The following ENPP2 variants were observed in gnomAD, a reference collection of about 807,000 sequenced individuals.
ENPP2 encodes the protein ectonucleotide pyrophosphatase/phosphodiesterase 2.
Under a neutral mutation model 120.2 loss-of-function variants are expected in ENPP2, and 51 were observed. That is an observed-to-expected ratio of 0.42 (90% confidence interval 0.34 to 0.54). The LOEUF (loss-of-function observed/expected upper bound fraction) is 0.54, where lower values mean the gene tolerates loss of function less well. Among genes scored for constraint, ENPP2 ranks in the 20% least tolerant of loss-of-function variants. The pLI, the probability that ENPP2 is intolerant of heterozygous loss-of-function variation, is 0.04. For synonymous variants in ENPP2, 365 were observed against 366.4 expected (o/e 1.00, Z 0.04); for missense variants, 920 against 1,066.5 (o/e 0.86, Z 1.91).
chr8:119,617,673 G>A, intron 5 of ENPP2, 110 bp from the exon 6 acceptor site: 2 of 756,360 alleles, frequency 2.6e-6, no homozygotes, highest in South Asian at 3.3e-5. Context: ...ATTTCACCGG[G>A]CGTGATGGCT....
chr8:119,661,083 G>A (rs567427139), intron 1 of ENPP2, among the ~76,000 whole-genome samples: 14 of 152,094 alleles, frequency 9.2e-5, no homozygotes, highest in African/African-American at 2.9e-4. Flanking sequence ...ACCAAACACC[G>A]CATGTTCTCA....
intron 13 of ENPP2, 25 bp downstream of exon 13, chr8:119,590,480 C>T: frequency 6.4e-7 from 1 of 1,572,092 alleles, no homozygotes; most frequent in Non-Finnish European, 8.6e-7. Context: ...ACTCTAACCA[C>T]TTAATATTTT....
At chr8:119,650,707 C>T (rs1010987575) in intron 1 of ENPP2, among the ~76,000 whole-genome samples, 1 of 152,064 alleles carries the variant, frequency 6.6e-6, no homozygotes, top group Non-Finnish European at 1.5e-5. Flanking sequence ...TTAACGAGCC[C>T]CTGTGTGTGT....
chr8:119,563,067 T>C (rs188547479), intron 23 of ENPP2, 54 bp from the exon 24 acceptor site: 36 of 1,513,102 alleles, frequency 2.4e-5, no homozygotes, highest in East Asian at 1.6e-4. Context: ...GTTGAAGCTT[T>C]CTTTTTTAAA....
At chr8:119,659,930 T>A (rs754338279) in intron 1 of ENPP2, among the ~76,000 whole-genome samples, 1 of 152,276 alleles carries the variant, frequency 6.6e-6, no homozygotes, top group Non-Finnish European at 1.5e-5. Flanking sequence ...AATAAGAGGT[T>A]CAGGGTCCAG....
In ENPP2 at chr8:119,591,947, A is replaced by G. The variant is rs112978849; in HGVS notation, c.1082-1317T>C. Among the ~76,000 whole-genome samples, 10 of 152,230 alleles carry G rather than the reference A, an allele frequency of 6.6e-5. 1 individual carries two copies. The highest frequency in any genetic ancestry group is 2.4e-4 in the African/African-American group (10 of 41,546). On this transcript the variant is annotated intron_variant, in intron 12 of 24. Coordinates refer to ENST00000075322, the MANE Select transcript of ENPP2 (RefSeq NM_001040092.3). The stretch of plus-strand genomic sequence containing the variant: ...CTAGGAAGTCCCTTATGCCACCCCA[A>G]ATGTGAGCAATCTCCTTTACTTTTG...
intron 1 of ENPP2, among the ~76,000 whole-genome samples, chr8:119,670,816 G>T (rs1173366842): frequency 6.6e-6 from 1 of 152,174 alleles, no homozygotes; most frequent in Admixed American, 6.5e-5. Flanking sequence ...GTACAAAAAT[G>T]GTACATAAAA....
chr8:119,602,020 A>T (rs1472103474), intron 9 of ENPP2, among the ~76,000 whole-genome samples: 1 of 152,230 alleles, frequency 6.6e-6, no homozygotes, highest in Non-Finnish European at 1.5e-5. Context: ...ATTTTTATTA[A>T]TGATCATAAT....
chr8:119,561,959 G>A (rs547354302), intron 24 of ENPP2, among the ~76,000 whole-genome samples: 434 of 151,732 alleles, frequency 2.9e-3, no homozygotes, highest in Non-Finnish European at 4.3e-3. Context: ...TAACACGGTG[G>A]AACCCTGTCT....
Position 119,563,018 on chromosome 8 carries a change from A to C in ENPP2, c.2265-5T>G. ...ATGGAACTGCCTTCCACGTACCTGA[A>C]ACAGGAAGGTAAAACGAAGTCACAG... On this transcript the variant is annotated splice_region_variant and splice_polypyrimidine_tract_variant and intron_variant, in intron 23 of 24. Transcript: ENST00000075322. The C allele has an allele frequency of 6.2e-7, 1 of 1,611,934 alleles. No homozygotes were observed. Among genetic ancestry groups the C allele is most frequent in the Non-Finnish European group, 8.5e-7 (1 of 1,178,700 alleles).
intron 8 of ENPP2, among the ~76,000 whole-genome samples, chr8:119,610,973 T>G (rs1160163351): frequency 1.3e-5 from 2 of 151,910 alleles, no homozygotes; most frequent in Non-Finnish European, 2.9e-5. Context: ...TTTCTCCCTC[T>G]AATCCCAAAA....
intron 1 of ENPP2, among the ~76,000 whole-genome samples, chr8:119,671,030 T>A (rs1477041064): frequency 6.6e-6 from 1 of 151,220 alleles, no homozygotes; most frequent in Non-Finnish European, 1.5e-5. Context: ...CTCACGCCTG[T>A]AATCCTAGCA....
Position 119,569,481 on chromosome 8 carries a change from C to T in ENPP2, c.1918-111G>A, listed in dbSNP as rs1201133001. 3 of 976,558 alleles carry T rather than the reference C, an allele frequency of 3.1e-6. No individual in the cohort carries two copies. The East Asian group carries it at 8.6e-5, about 28-fold the overall frequency. The allele number at this position is 976,558 out of a possible 1,614,324, so 60.5% of individuals were successfully genotyped here. A position where few individuals can be genotyped will look rare whatever the true frequency, so the allele number is the denominator to read the frequency against. The stretch of plus-strand genomic sequence containing the variant: ...TGTATTCTGATTGATAGTCTGACTC[C>T]TTTTTTAAATTTTTTATCTTTGATA... On this transcript the variant is annotated intron_variant, in intron 20 of 24. Coordinates refer to ENST00000075322, the MANE Select transcript of ENPP2 (RefSeq NM_001040092.3).
At chr8:119,662,430 A>G (rs992165701) in intron 1 of ENPP2, among the ~76,000 whole-genome samples, 6 of 152,296 alleles carry the variant, frequency 3.9e-5, no homozygotes, top group Admixed American at 3.3e-4. Flanking sequence ...TCAAAATAGC[A>G]CTACCTGGGA....
intron 1 of ENPP2, among the ~76,000 whole-genome samples, chr8:119,645,127 C>T (rs1817404292): frequency 6.6e-6 from 1 of 152,078 alleles, no homozygotes. Flanking sequence ...AATGGAGGTT[C>T]GAAGAGTATG....
chr8:119,563,406 A>G (rs749024587), intron 23 of ENPP2, among the ~76,000 whole-genome samples: 5 of 152,166 alleles, frequency 3.3e-5, no homozygotes, highest in Non-Finnish European at 7.3e-5. Flanking sequence ...TGCTCCATTA[A>G]AGGTTTTTGT....
intron 1 of ENPP2, among the ~76,000 whole-genome samples, chr8:119,645,231 G>A (rs1419519550): frequency 6.6e-6 from 1 of 152,172 alleles, no homozygotes; most frequent in Non-Finnish European, 1.5e-5. Flanking sequence ...GCAGCGTGAT[G>A]CCTCTCTACT....
intron 18 of ENPP2, chr8:119,581,160 G>A (rs1394923717): frequency 2.6e-5 from 4 of 151,816 alleles, no homozygotes; most frequent in African/African-American, 4.8e-5. Flanking sequence ...CAGCTACTCA[G>A]GAGGCTGAGG....
At chr8:119,577,187 T>TA (rs1434711985) in intron 19 of ENPP2, among the ~76,000 whole-genome samples, 14 of 152,222 alleles carry the variant, frequency 9.2e-5, no homozygotes, top group African/African-American at 3.1e-4. Context: ...ATCTGTGTTT[T>TA]AAAAAACTAA....
Sources: gnomAD v4.1 joint callset for allele counts (sites outside exome capture counted in the v4.1 genomes callset) on GRCh38, gnomAD v4.1.1 for gene constraint, MANE v1.5 for transcripts, NCBI Gene and HGNC (gene_info 2026-07-23, HGNC 2026-07-21) for gene names.